The following LRP1B variants were observed in gnomAD, a reference collection of about 807,000 sequenced individuals.
LRP1B encodes low-density lipoprotein receptor-related protein 1B.
A neutral mutation model predicts 556.6 loss-of-function variants in LRP1B; 217 were observed. The ratio of observed to expected loss-of-function variants is 0.39; its 90% CI spans 0.35 to 0.44. The LOEUF (loss-of-function observed/expected upper bound fraction) is 0.44, where lower values mean the gene tolerates loss of function less well. Among genes scored for constraint, LRP1B ranks in the 20% least tolerant of loss-of-function variants. The probability of loss-of-function intolerance (pLI) is 1.00; values close to 1 mark genes in which losing one functional copy is unlikely to be tolerated. For synonymous variants in LRP1B, 2,047 were observed against 1,865.8 expected, an observed-to-expected ratio of 1.10 and a Z score of -2.50; for missense variants, 5,053 against 5,620.8, an observed-to-expected ratio of 0.90 and a Z score of 3.23.
chr2:141,993,262 A>G lies in LRP1B; in HGVS notation c.82+137386T>C, dbSNP rs562611806. ...TATCTGTTGCTAAACTGCTAATTAT[A>G]GGAGCCCCCTTGCCTCAAGACTCCT... On this transcript the variant is annotated intron_variant, in intron 1 of 90. Transcript: ENST00000389484. Among the ~76,000 whole-genome samples, 3 of 152,228 alleles carry G rather than the reference A, an allele frequency of 2.0e-5. No homozygotes were observed. In the East Asian group the frequency reaches 5.8e-4, roughly 29 times the overall value.
At chr2:140,267,822 A>G (rs1682279856) in intron 86 of LRP1B, among the ~76,000 whole-genome samples, 1 of 152,020 alleles carries the variant, frequency 6.6e-6, no homozygotes, top group South Asian at 2.1e-4. Context: ...ACACAAAAGT[A>G]GGAGAGGTTG....
At chr2:141,122,309 C>T (rs1701074382) in intron 7 of LRP1B, among the ~76,000 whole-genome samples, 1 of 151,596 alleles carries the variant, frequency 6.6e-6, no homozygotes, top group Non-Finnish European at 1.5e-5. Context: ...TCAGAGTGAA[C>T]AGGCAACCTA....
At chr2:140,328,828 C>G (rs1680638450) in intron 79 of LRP1B, among the ~76,000 whole-genome samples, 1 of 152,012 alleles carries the variant, frequency 6.6e-6, no homozygotes, top group Admixed American at 6.6e-5. Flanking sequence ...CATACACACA[C>G]ACATCTATTT....
chr2:140,877,616 T>C (rs112840879), intron 25 of LRP1B, among the ~76,000 whole-genome samples: 4,659 of 152,254 alleles, frequency 0.031, 110 homozygotes, highest in Middle Eastern at 0.065. Context: ...CTCTGCTCAC[T>C]GAGATCAATG....
chr2:141,632,700 T>C (rs755635610), intron 2 of LRP1B, among the ~76,000 whole-genome samples: 4 of 152,078 alleles, frequency 2.6e-5, no homozygotes, highest in Non-Finnish European at 5.9e-5. Context: ...GGTTGGCATA[T>C]AATGTAGAAT....
At chr2:141,167,649 A>G (rs1574146823) in intron 7 of LRP1B, among the ~76,000 whole-genome samples, 2 of 152,052 alleles carry the variant, frequency 1.3e-5, no homozygotes, top group South Asian at 4.1e-4. Flanking sequence ...TATATACAAT[A>G]TAATCATCTA....
chr2:141,753,029 A>G (rs2105572389), intron 2 of LRP1B, among the ~76,000 whole-genome samples: 1 of 147,642 alleles, frequency 6.8e-6, no homozygotes, highest in East Asian at 2.0e-4. Flanking sequence ...CAGGTGGATC[A>G]CCTGAGGTCA....
At chr2:140,314,825 C>T in intron 83 of LRP1B, 110 bp downstream of exon 83, 1 of 719,324 alleles carries the variant, frequency 1.4e-6, no homozygotes, top group Non-Finnish European at 2.2e-6. Flanking sequence ...TTGTGTTAGT[C>T]TATTGTTCAT....
chr2:140,660,550 A>G (rs1166387956), intron 41 of LRP1B, among the ~76,000 whole-genome samples: 3 of 152,066 alleles, frequency 2.0e-5, no homozygotes, highest in Admixed American at 6.6e-5. Flanking sequence ...GCTCCTTTTC[A>G]TATCTCCCAA....
At chr2:140,907,046 T>C (rs1694278020) in intron 22 of LRP1B, among the ~76,000 whole-genome samples, 1 of 151,928 alleles carries the variant, frequency 6.6e-6, no homozygotes, top group Admixed American at 6.6e-5. Flanking sequence ...AAATATAACT[T>C]TGGGCTTCAA....
At chr2:141,310,831 GGAA>G (rs1245464647) in intron 3 of LRP1B, among the ~76,000 whole-genome samples, 1 of 152,062 alleles carries the variant, frequency 6.6e-6, no homozygotes, top group Non-Finnish European at 1.5e-5. Flanking sequence ...TTTGAAATTT[GGAA>G]GCAAAAGAAA....
intron 77 of LRP1B, among the ~76,000 whole-genome samples, chr2:140,337,549 TG>T (rs1210569512): frequency 1.3e-5 from 2 of 151,906 alleles, no homozygotes; most frequent in Non-Finnish European, 2.9e-5. Flanking sequence ...GTCATGTGCA[TG>T]TCAGTGTGAA....
chr2:140,364,534 G>T, intron 72 of LRP1B, 127 bp downstream of exon 72: 1 of 1,097,110 alleles, frequency 9.1e-7, no homozygotes, highest in Non-Finnish European at 1.3e-6. Flanking sequence ...TGTATCTGTG[G>T]TTATACTTTA....
chr2:141,452,483 C>T (rs944285914), intron 3 of LRP1B, among the ~76,000 whole-genome samples: 2 of 152,142 alleles, frequency 1.3e-5, no homozygotes, highest in Non-Finnish European at 2.9e-5. Flanking sequence ...AAACCAGTTC[C>T]TCAATGCTGA....
intron 2 of LRP1B, among the ~76,000 whole-genome samples, chr2:141,686,285 ATGT>A (rs1691299701): frequency 6.6e-6 from 1 of 151,970 alleles, no homozygotes; most frequent in South Asian, 2.1e-4. Flanking sequence ...GTCATGTGTC[ATGT>A]TGTAATGGGC....
intron 2 of LRP1B, among the ~76,000 whole-genome samples, chr2:141,757,724 TG>T (rs960079495): frequency 9.9e-5 from 15 of 152,080 alleles, no homozygotes; most frequent in Admixed American, 8.5e-4. Flanking sequence ...TTTATAGAGA[TG>T]GGGGTCTCAC....
chr2:141,732,766 C>A (rs551584254), intron 2 of LRP1B, among the ~76,000 whole-genome samples: 78 of 152,158 alleles, frequency 5.1e-4, no homozygotes, highest in African/African-American at 1.8e-3. Context: ...AAATATTATA[C>A]CCCTTGTAGC....
intron 3 of LRP1B, among the ~76,000 whole-genome samples, chr2:141,293,246 C>G (rs1164389431): frequency 6.6e-6 from 1 of 152,118 alleles, no homozygotes; most frequent in Non-Finnish European, 1.5e-5. Context: ...AGAGAAATAA[C>G]AAGTAGGTTG....
At chr2:140,504,514 C>A (rs1364525069) in intron 53 of LRP1B, among the ~76,000 whole-genome samples, 2 of 152,096 alleles carry the variant, frequency 1.3e-5, no homozygotes, top group Non-Finnish European at 2.9e-5. Context: ...TATTACTTAT[C>A]CTCGTTGTTC....
Sources: allele counts gnomAD v4.1 joint callset (sites outside exome capture counted in the v4.1 genomes callset), GRCh38; gene constraint gnomAD v4.1.1; transcripts MANE v1.5; gene names NCBI Gene and HGNC (gene_info 2026-07-23, HGNC 2026-07-21).